Variants in C4BPA observed in about 807,000 individuals in gnomAD.
C4BPA encodes the protein complement component 4 binding protein alpha.
C4BPA carries 31 observed loss-of-function variants against 63.7 expected under a neutral mutation model. The observed-to-expected ratio is 0.49, with a 90% CI of 0.37 to 0.66. C4BPA has a LOEUF of 0.66. Among genes scored for constraint, C4BPA ranks in the 30% least tolerant of loss-of-function variants. The pLI is 0.00. For synonymous variants in C4BPA, 259 were observed against 254.7 expected, an observed-to-expected ratio of 1.02 and a Z score of -0.16; for missense variants, 572 against 723.3, an observed-to-expected ratio of 0.79 and a Z score of 2.40.
Position 207,112,998 on chromosome 1 carries a change from C to T in C4BPA, c.-25-3C>T, listed in dbSNP as rs757903523. 2 of 1,550,962 alleles carry T rather than the reference C, an allele frequency of 1.3e-6. No homozygotes were observed. The highest frequency in any genetic ancestry group is 1.7e-6 in the Non-Finnish European group (2 of 1,157,308). ...TATTTATTAAATTGAGTTCTTTCAG[C>T]AGAAAAACATCAGCGAAGCAGCAGG... On this transcript the variant is annotated splice_polypyrimidine_tract_variant and splice_region_variant and intron_variant, in intron 1 of 11. Coordinates refer to ENST00000367070, the MANE Select transcript of C4BPA (RefSeq NM_000715.4).
intron 1 of C4BPA, among the ~76,000 whole-genome samples, chr1:207,111,402 G>A (rs562126898): frequency 4.6e-5 from 7 of 152,302 alleles, no homozygotes; most frequent in Middle Eastern, 3.4e-3. Context: ...GAATTGCCCC[G>A]GTGGGGATGT....
rs1387728444 is a variant in C4BPA, at chr1:207,119,819, G to T, written c.429-4103G>T. Among the ~76,000 whole-genome samples the T allele has an allele frequency of 4.8e-4, 14 of 29,184 alleles. 2 individuals are homozygous for T. Among genetic ancestry groups the T allele is most frequent in the Non-Finnish European group, 1.4e-3 (11 of 7,932 alleles). The allele number at this position is 29,184 out of a possible 152,430, so 19.1% of individuals were successfully genotyped here. On this transcript the variant is annotated intron_variant, in intron 4 of 11. Coordinates refer to ENST00000367070, the MANE Select transcript of C4BPA (RefSeq NM_000715.4). ...TTTATGGTCCTTGTTTATGCAACTG[G>T]TCATGTGGTTGTAGCAGATATTTAT... is the stretch of plus-strand genomic sequence containing the variant.
At chr1:207,110,612 A>G (rs1684649116) in intron 1 of C4BPA, among the ~76,000 whole-genome samples, 1 of 152,214 alleles carries the variant, frequency 6.6e-6, no homozygotes, top group Admixed American at 6.5e-5. Flanking sequence ...CAACATAGTA[A>G]GATCACATCT....
chr1:207,114,056 C>T, intron 2 of C4BPA, 44 bp from the exon 3 acceptor site: 3 of 1,522,684 alleles, frequency 2.0e-6, no homozygotes, highest in South Asian at 2.3e-5. Flanking sequence ...GATGCTGTGT[C>T]CCAAGGTATA....
chr1:207,108,351 T>A (rs955196998), intron 1 of C4BPA, among the ~76,000 whole-genome samples: 1 of 126,614 alleles, frequency 7.9e-6, no homozygotes, highest in African/African-American at 5.2e-5. Context: ...TACACTTTTC[T>A]GAGGTTAAAA....
intron 9 of C4BPA, among the ~76,000 whole-genome samples, chr1:207,138,971 G>T (rs1272693215): frequency 6.6e-6 from 1 of 152,004 alleles, no homozygotes; most frequent in Non-Finnish European, 1.5e-5. Flanking sequence ...GCTTATCTGG[G>T]GGAATTAACA....
At position 207,126,831 on chromosome 1, in the gene C4BPA, C is replaced by G. The variant is rs376681896; in HGVS notation, c.825C>G (p.Gly275=). The change falls in exon 7 of 12, where the codon GGC becomes GGG. Residue 275 remains glycine, a synonymous_variant. Coordinates refer to ENST00000367070, the MANE Select transcript of C4BPA (RefSeq NM_000715.4). Reference sequence around the variant, plus strand: ...GCCAAAAAGGTTTTGTTCTCAGAGGCAGCAGTGTAATTCATTGTGATGCTG... The same window carrying G: ...GCCAAAAAGGTTTTGTTCTCAGAGGGAGCAGTGTAATTCATTGTGATGCTG... The part of the protein sequence containing the change: ...FKCQKGFVLR[G]SSVIHCDADS... 494 of 1,613,346 alleles carry G rather than the reference C, an allele frequency of 3.1e-4. 2 individuals carry two copies. Among genetic ancestry groups the G allele is most frequent in the Admixed American group, 2.6e-3 (153 of 59,920 alleles).
In C4BPA at chr1:207,106,435, G is replaced by A. The variant is rs1439294335; in HGVS notation, c.-26+2005G>A. Reference sequence around the variant, plus strand: ...TTTATTCTGTCTTATTCCTTCCTCCGTGTAAGTTTTTTTTTTTTTTTTGAA... The same window carrying A: ...TTTATTCTGTCTTATTCCTTCCTCCATGTAAGTTTTTTTTTTTTTTTTGAA... On this transcript the variant is annotated intron_variant, in intron 1 of 11. Transcript: ENST00000367070. 3.0e-5 allele frequency among the ~76,000 whole-genome samples: 4 copies of A among 132,000 alleles called. No individual in the cohort carries two copies. In the East Asian group the frequency reaches 6.5e-4, roughly 21 times the overall value. The allele number at this position is 132,000 out of a possible 152,430, so 86.6% of individuals were successfully genotyped here. A position where few individuals can be genotyped will look rare whatever the true frequency, so the allele number is the denominator to read the frequency against.
At chr1:207,143,459 A>G (rs1457976873) in intron 10 of C4BPA, among the ~76,000 whole-genome samples, 1 of 152,198 alleles carries the variant, frequency 6.6e-6, no homozygotes, top group Non-Finnish European at 1.5e-5. Flanking sequence ...GATTCTGCAC[A>G]TGTATCCCAG....
rs1216041822 is a variant in C4BPA at position 207,105,285 on chromosome 1, C to T, written c.-26+855C>T. Among the ~76,000 whole-genome samples the T allele has an allele frequency of 5.3e-5, 8 of 152,076 alleles. No homozygotes were observed. The East Asian group carries it at 1.2e-3, about 22-fold the overall frequency. ...AAAAATAAAGAGATTTGGCCAGGTA[C>T]GGTGGCTCACTCCTGTAATCCCAGC... is the stretch of plus-strand genomic sequence containing the variant. On this transcript the variant is annotated intron_variant, in intron 1 of 11. Transcript: ENST00000367070.
intron 7 of C4BPA, among the ~76,000 whole-genome samples, chr1:207,130,844 T>C (rs769019378): frequency 6.6e-6 from 1 of 152,140 alleles, no homozygotes; most frequent in Non-Finnish European, 1.5e-5. Context: ...GGTTTCTTCT[T>C]GGGTTGATAA....
chr1:207,144,753 G>T lies in C4BPA; in HGVS notation c.*36G>T. On this transcript the variant is annotated 3_prime_UTR_variant, in exon 12 of 12. Transcript: ENST00000367070. Reference sequence around the variant, plus strand: ...AAGAAGGAGGAAAAGGTGTCTTGCTGGCTTGCCTCTTGCAATTCAATACAG... The same window carrying T: ...AAGAAGGAGGAAAAGGTGTCTTGCTTGCTTGCCTCTTGCAATTCAATACAG... 1 of 1,510,460 alleles carries T rather than the reference G, an allele frequency of 6.6e-7. No individual in the cohort carries two copies. Among genetic ancestry groups the T allele is most frequent in the South Asian group, 1.3e-5 (1 of 79,656 alleles). The allele number at this position is 1,510,460 out of a possible 1,614,324, so 93.6% of individuals were successfully genotyped here.
rs12091603 is a variant in C4BPA, at chr1:207,141,011, A to C, written c.1274-95A>C. The C allele has an allele frequency of 0.031, 29,270 of 942,358 alleles. 1,332 individuals carry two copies. Among genetic ancestry groups the C allele is most frequent in the African/African-American group, 0.18 (11,153 of 60,624 alleles). The allele number at this position is 942,358 out of a possible 1,614,324, so 58.4% of individuals were successfully genotyped here. ...ACAGGCAGCGAGGATAGAAGGACAG[A>C]ATGAAGCCTCCTACAAACTACATGT... On this transcript the variant is annotated intron_variant, in intron 9 of 11. Transcript: ENST00000367070.
At chr1:207,132,565 T>C (rs1685185165) in intron 8 of C4BPA, among the ~76,000 whole-genome samples, 1 of 152,242 alleles carries the variant, frequency 6.6e-6, no homozygotes, top group South Asian at 2.1e-4. Flanking sequence ...TTATTTCATA[T>C]TAAGACTTAA....
At chr1:207,117,219 G>A (rs751970218) in intron 4 of C4BPA, among the ~76,000 whole-genome samples, 15 of 152,302 alleles carry the variant, frequency 9.8e-5, no homozygotes, top group East Asian at 5.8e-4. Flanking sequence ...GAAGACCAAG[G>A]TGGGAAGATC....
At chr1:207,106,927 C>T (rs991177716) in intron 1 of C4BPA, among the ~76,000 whole-genome samples, 6 of 152,000 alleles carry the variant, frequency 3.9e-5, no homozygotes, top group Admixed American at 2.0e-4. Flanking sequence ...AAAGGAGTCA[C>T]GGGGTTATAT....
chr1:207,122,425 CTAAAT>C (rs1465911380), intron 4 of C4BPA, among the ~76,000 whole-genome samples: 1 of 152,118 alleles, frequency 6.6e-6, no homozygotes, highest in African/African-American at 2.4e-5. Context: ...GTTTGACTAT[CTAAAT>C]TATTATTCTT....
intron 10 of C4BPA, among the ~76,000 whole-genome samples, chr1:207,143,408 A>G (rs1439363940): frequency 3.3e-5 from 5 of 152,226 alleles, no homozygotes; most frequent in Non-Finnish European, 5.9e-5. Flanking sequence ...TGGGTGCAGT[A>G]AACCACCATG....
At chr1:207,138,511 C>G (rs1311833848) in intron 9 of C4BPA, among the ~76,000 whole-genome samples, 2 of 152,188 alleles carry the variant, frequency 1.3e-5, no homozygotes, top group African/African-American at 4.8e-5. Context: ...GGCCTTGCTT[C>G]AGGATCTCAA....
Sources: gnomAD v4.1 joint callset for allele counts (sites outside exome capture counted in the v4.1 genomes callset) on GRCh38, gnomAD v4.1.1 for gene constraint, MANE v1.5 for transcripts, NCBI Gene and HGNC (gene_info 2026-07-23, HGNC 2026-07-21) for gene names.